Variants in TUBGCP5 observed in about 807,000 individuals in gnomAD.
The protein encoded by TUBGCP5 is tubulin gamma complex component 5.
In TUBGCP5, 98 loss-of-function variants were observed where a neutral mutation model predicts 134.7. The ratio of observed to expected loss-of-function variants is 0.73; its 90% CI spans 0.62 to 0.86. The LOEUF (loss-of-function observed/expected upper bound fraction) is 0.86. TUBGCP5 is among the 40% of genes least tolerant of loss of function. TUBGCP5 has a pLI of 0.00. For missense variants in TUBGCP5, 1,150 were observed against 1,244.8 expected, an observed-to-expected ratio of 0.92 and a Z score of 1.15; for synonymous variants, 456 against 431.4, an observed-to-expected ratio of 1.06 and a Z score of -0.71.
intron 6 of TUBGCP5, among the ~76,000 whole-genome samples, chr15:23,029,165 A>C (rs757626012): frequency 6.6e-6 from 1 of 152,188 alleles, no homozygotes; most frequent in African/African-American, 2.4e-5. Flanking sequence ...AGCCTCCCCA[A>C]ATTAGATCTA....
intron 8 of TUBGCP5, 32 bp from the exon 9 acceptor site, chr15:23,024,862 T>A: frequency 7.6e-7 from 1 of 1,321,138 alleles, no homozygotes; most frequent in Non-Finnish European, 1.1e-6. Flanking sequence ...ACGAGTGTAC[T>A]TTAAGTCTAG....
intron 21 of TUBGCP5, among the ~76,000 whole-genome samples, chr15:23,001,709 G>A (rs2064396584): frequency 6.6e-6 from 1 of 151,530 alleles, no homozygotes; most frequent in African/African-American, 2.4e-5. Flanking sequence ...CTTCAGAAGG[G>A]GTTTCCATGG....
At chr15:23,024,310 G>T in intron 9 of TUBGCP5, 117 bp from the exon 10 acceptor site, 2 of 1,143,892 alleles carry the variant, frequency 1.7e-6, no homozygotes, top group Non-Finnish European at 2.4e-6. Context: ...ATGTTTAGTA[G>T]AAGACAAAGT....
In TUBGCP5 at chr15:23,036,962, C is replaced by T; in HGVS notation, c.244G>A (p.Ala82Thr). The T allele has an allele frequency of 6.2e-7, 1 of 1,612,700 alleles. No individual in the cohort carries two copies. Among genetic ancestry groups the T allele is most frequent in the Non-Finnish European group, 8.5e-7 (1 of 1,179,464 alleles). Residue 82 changes from alanine (A) to threonine (T), a missense_variant, in exon 3 of 23, where the codon GCT becomes ACT. Physicochemically the swap from Ala to Thr is moderately conservative, Grantham distance 58. Around this residue, in one of 2 missense-constraint regions of TUBGCP5, gnomAD observed 453 missense variants for 394.7 expected, o/e 1.15. Coordinates refer to ENST00000615383, the MANE Select transcript of TUBGCP5 (RefSeq NM_052903.6). The stretch of plus-strand genomic sequence containing the variant: ...TCCTCCGTTAATCTCTTCCAACTAG[C>T]AGCTTTGCTTAGATCAGAATGAATG... ...FVIHSDLSKA[A>T]SWKRLTEEFL...
intron 23 of TUBGCP5, among the ~76,000 whole-genome samples, chr15:22,984,489 G>T (rs929145396): frequency 6.6e-6 from 1 of 151,568 alleles, no homozygotes; most frequent in Non-Finnish European, 1.5e-5. Context: ...GTGTGGTGGC[G>T]AGTGCCTGTA....
At chr15:23,017,655 C>T (rs944270128) in intron 13 of TUBGCP5, 118 bp downstream of exon 13, 40 of 1,013,684 alleles carry the variant, frequency 3.9e-5, no homozygotes, top group Non-Finnish European at 1.8e-5. Context: ...TAATTGCCAC[C>T]GAAATAAGAG....
Position 23,008,881 on chromosome 15 carries a change from C to T in TUBGCP5, c.2145G>A (p.Arg715=). 1.3e-6 allele frequency: 2 copies of T among 1,549,978 alleles called. No individual in the cohort carries two copies. The highest frequency in any genetic ancestry group is 1.7e-6 in the Non-Finnish European group (2 of 1,156,320). The stretch of plus-strand genomic sequence containing the variant: ...TCATAGCTTGCAAGTATTCTACCAA[C>T]CTGAATGGAGAGAAAATGAGTGACA... The part of the protein sequence containing the change: ...NLMQTLKKDY[R]LVEYLQAMRN... Residue 715 remains arginine, a splice_region_variant and synonymous_variant, in exon 16 of 23, where the codon AGG becomes AGA. Coordinates refer to ENST00000615383, the MANE Select transcript of TUBGCP5 (RefSeq NM_052903.6).
chr15:22,993,846 A>G (rs1406841048), intron 23 of TUBGCP5, among the ~76,000 whole-genome samples: 1 of 149,272 alleles, frequency 6.7e-6, no homozygotes, highest in Non-Finnish European at 1.5e-5. Context: ...TGCCCAGACT[A>G]ATTTTTGTAT....
rs570678103 is a variant in TUBGCP5 at position 23,003,274 on chromosome 15, G to A, written c.2839-121C>T. The A allele has an allele frequency of 2.2e-4, 189 of 861,262 alleles. 1 individual carries two copies. Among genetic ancestry groups the A allele is most frequent in the South Asian group, 1.0e-3 (65 of 61,958 alleles). The allele number at this position is 861,262 out of a possible 1,614,324, so 53.4% of individuals were successfully genotyped here. A position where few individuals can be genotyped will look rare whatever the true frequency, so the allele number is the denominator to read the frequency against. ...CATCACCACAGTGACTGCCTTCTGTGTATATGGAAGGGTACTAGGCTCTGA... is the reference window on the plus strand; with the variant it reads ...CATCACCACAGTGACTGCCTTCTGTATATATGGAAGGGTACTAGGCTCTGA... On this transcript the variant is annotated intron_variant, in intron 20 of 22. Transcript: ENST00000615383.
rs771616648 is a variant in TUBGCP5 at position 23,024,793 on chromosome 15, A to G, written c.865T>C (p.Leu289=). 4.4e-6 allele frequency: 7 copies of G among 1,597,546 alleles called. No individual in the cohort carries two copies. Among genetic ancestry groups the G allele is most frequent in the Non-Finnish European group, 6.0e-6 (7 of 1,168,886 alleles). The change falls in exon 9 of 23, where the codon TTG becomes CTG. Residue 289 remains leucine, a synonymous_variant. Coordinates refer to ENST00000615383, the MANE Select transcript of TUBGCP5 (RefSeq NM_052903.6). The part of the protein sequence containing the change: ...SGVKKLFIFQ[L]IDGKVTVRNN... ...CTCACAGTTACCTTCCCATCTATCA[A>G]CTGAAATATAAAGAGCTTTTTCACT... is the stretch of plus-strand genomic sequence containing the variant.
At chr15:23,018,123 T>C (rs1297631507) in intron 12 of TUBGCP5, 82 bp from the exon 13 acceptor site, 12 of 1,358,156 alleles carry the variant, frequency 8.8e-6, no homozygotes, top group Non-Finnish European at 1.2e-5. Flanking sequence ...TGTCCAGACA[T>C]TATAAAACAT....
intron 13 of TUBGCP5, among the ~76,000 whole-genome samples, chr15:23,012,095 A>T: frequency 6.7e-6 from 1 of 149,262 alleles, no homozygotes; most frequent in Non-Finnish European, 1.5e-5. Flanking sequence ...CAGTTTGGGC[A>T]ATAGGAGTGA....
chr15:23,030,636 G>C (rs2066255235), intron 6 of TUBGCP5, among the ~76,000 whole-genome samples: 1 of 146,288 alleles, frequency 6.8e-6, no homozygotes, highest in African/African-American at 2.5e-5. Flanking sequence ...ATTTACAGCT[G>C]AGAAAGTTCT....
Position 23,010,000 on chromosome 15 carries a change from T to C in TUBGCP5, c.2089A>G (p.Lys697Glu). The C allele has an allele frequency of 1.9e-6, 3 of 1,614,134 alleles. No individual in the cohort carries two copies. Among genetic ancestry groups the C allele is most frequent in the South Asian group, 1.1e-5 (1 of 91,082 alleles). Residue 697 changes from lysine (K) to glutamate (E), a missense_variant, in exon 15 of 23, where the codon AAG becomes GAG. By Grantham distance (56) the Lys-to-Glu change is moderately conservative. Transcript: ENST00000615383. ...TTTCCACAGCAATCTAGATACTGCT[T>C]GTCAATATGAGGATAGAGGCAGGAT... is the stretch of plus-strand genomic sequence containing the variant. ...LRSCLYPHID[K>E]QYLDCCGNLM...
chr15:22,996,641 C>T (rs1440176034), downstream of TUBGCP5, among the ~76,000 whole-genome samples: 3 of 152,102 alleles, frequency 2.0e-5, no homozygotes, highest in Non-Finnish European at 4.4e-5. Context: ...GTGTCTGTCA[C>T]CACACCCAGC....
In TUBGCP5 at chr15:23,032,727, C is replaced by A; in HGVS notation, c.406+1G>T. On this transcript the variant is annotated splice_donor_variant, in intron 4 of 22. Transcript: ENST00000615383. LOFTEE classifies it high-confidence loss of function. ...ATATGTTAAGGAATCTAGTAACATA[C>A]CCACTTCTTTATTTCTTGGTGTCTC... 6 of 1,563,920 alleles carry A rather than the reference C, an allele frequency of 3.8e-6. No individual in the cohort carries two copies. The highest frequency in any genetic ancestry group is 5.2e-6 in the Non-Finnish European group (6 of 1,157,466).
rs749765494 is a variant in TUBGCP5, at chr15:23,039,523, CGGT to C, written c.18_20del (p.Pro7del). On this transcript the variant is annotated inframe_deletion, in exon 1 of 23. Coordinates refer to ENST00000615383, the MANE Select transcript of TUBGCP5 (RefSeq NM_052903.6). ...CCTGCTGCGCGTCCAACCGACTCCA[CGGT>C]GGCCCGTGCCGCGCCATGTTCCGCG... 1.5e-5 allele frequency: 23 copies of C among 1,491,006 alleles called. No individual in the cohort carries two copies. In the Admixed American group the frequency reaches 3.5e-4, roughly 23 times the overall value. 92.4% of individuals were successfully genotyped at this position (1,491,006 alleles called of 1,614,324 possible). A position where few individuals can be genotyped will look rare whatever the true frequency, so the allele number is the denominator to read the frequency against.
chr15:22,990,295 C>T (rs1433883574), intron 23 of TUBGCP5, among the ~76,000 whole-genome samples: 2 of 151,920 alleles, frequency 1.3e-5, no homozygotes. Flanking sequence ...TGCTAGGGCA[C>T]TCTCTGACTC....
chr15:22,986,323 A>C (rs2063680210), intron 23 of TUBGCP5, among the ~76,000 whole-genome samples: 1 of 152,086 alleles, frequency 6.6e-6, no homozygotes, highest in Non-Finnish European at 1.5e-5. Context: ...TAGTATTATA[A>C]AATAGATGAA....
Sources: allele counts gnomAD v4.1 joint callset (sites outside exome capture counted in the v4.1 genomes callset), GRCh38; gene constraint gnomAD v4.1.1; regional missense constraint gnomAD v4.1.1; transcripts MANE v1.5; gene names NCBI Gene and HGNC (gene_info 2026-07-23, HGNC 2026-07-21).